Variants in SLC22A5 observed in about 807,000 individuals in gnomAD.
SLC22A5 encodes the protein solute carrier family 22 member 5, also known as organic cation/carnitine transporter 2.
A neutral mutation model predicts 56.7 loss-of-function variants in SLC22A5; 44 were observed. That is an observed-to-expected ratio of 0.78 (90% CI 0.61 to 1.00). SLC22A5 has a LOEUF of 1.00. Among genes scored for constraint, SLC22A5 ranks in the 50% least tolerant of loss-of-function variants. The pLI is 0.00. For synonymous variants in SLC22A5, 278 were observed against 292.1 expected, an observed-to-expected ratio of 0.95 and a Z score of 0.49; for missense variants, 675 against 723.0, an observed-to-expected ratio of 0.93 and a Z score of 0.76.
intron 1 of SLC22A5, among the ~76,000 whole-genome samples, chr5:132,374,497 C>A (rs749444133): frequency 3.3e-5 from 5 of 152,154 alleles, no homozygotes; most frequent in African/African-American, 9.7e-5. Flanking sequence ...AGCAGAGACC[C>A]GAGAGACCTG....
At chr5:132,387,639 T>G (rs981139378) in intron 5 of SLC22A5, among the ~76,000 whole-genome samples, 2 of 152,172 alleles carry the variant, frequency 1.3e-5, no homozygotes, top group South Asian at 4.1e-4. Context: ...AAAAAGTGTT[T>G]AGTCTCTTTC....
At chr5:132,385,133 G>C (rs1752476884) in intron 3 of SLC22A5, among the ~76,000 whole-genome samples, 195 bp from the exon 4 acceptor site, 2 of 152,192 alleles carry the variant, frequency 1.3e-5, no homozygotes. Flanking sequence ...TTGGGGGCCT[G>C]AGAGGCCACA....
chr5:132,389,953 CTT>C (rs960948062), intron 6 of SLC22A5: 3 of 156,062 alleles, frequency 1.9e-5, no homozygotes, highest in African/African-American at 4.8e-5. Context: ...TGCACATACT[CTT>C]TTTATTGTAC....
chr5:132,388,926 AG>A lies in SLC22A5; in HGVS notation c.958del (p.Asp320ThrfsTer2). The A allele has an allele frequency of 6.2e-7, 1 of 1,609,956 alleles. No individual in the cohort carries two copies. The highest frequency in any genetic ancestry group is 8.5e-7 in the Non-Finnish European group (1 of 1,176,220). On this transcript the variant is annotated frameshift_variant, in exon 6 of 10. Transcript: ENST00000245407. LOFTEE classifies it high-confidence loss of function. ...STIFDPSELQDLSSKKQQSHN... is the reference protein window; with the variant it reads ...STIFDPSELQXLSSKKQQSHN... ...TTATGATGTTGTTCCTGCAGTTACA[AG>A]ACCTAAGTTCCAAGAAGCAGCAGTC...
chr5:132,390,235 G>GC, intron 6 of SLC22A5: 1 of 303,206 alleles, frequency 3.3e-6, no homozygotes, highest in Non-Finnish European at 6.3e-6. Flanking sequence ...CTCTCTCCAA[G>GC]TGTTTGACCT....
rs142531910 is a variant in SLC22A5 at position 132,394,816 on chromosome 5, G to A, written c.*544G>A. 29 of 162,606 alleles carry A rather than the reference G, an allele frequency of 1.8e-4. No individual in the cohort carries two copies. The highest frequency in any genetic ancestry group is 1.6e-3 in the Admixed American group (28 of 17,176). The allele number at this position is 162,606 out of a possible 1,614,324, so 10.1% of individuals were successfully genotyped here. ...GAGCGCAGAGCTAGGGAAAGTGAAA[G>A]GTAATGAAGATGGAGCAGAATGAGC... On this transcript the variant is annotated 3_prime_UTR_variant, in exon 10 of 10. Coordinates refer to ENST00000245407, the MANE Select transcript of SLC22A5 (RefSeq NM_003060.4).
intron 2 of SLC22A5, chr5:132,382,807 G>A (rs1480022310): frequency 1.3e-5 from 2 of 152,056 alleles, no homozygotes; most frequent in Admixed American, 1.3e-4. Flanking sequence ...ACTCCTTAAG[G>A]GCAGAAACAG....
In SLC22A5 at chr5:132,378,445, T is replaced by C. The variant is rs1752227681; in HGVS notation, c.461T>C (p.Leu154Pro). The C allele has an allele frequency of 1.9e-6, 3 of 1,614,256 alleles. No homozygotes were observed. The highest frequency in any genetic ancestry group is 2.5e-6 in the Non-Finnish European group (3 of 1,180,024). The change falls in exon 2 of 10, where the codon CTG (leucine) becomes CCG (proline). Residue 154 changes from leucine (L) to proline (P), a missense_variant. Transcript: ENST00000245407. ...LTISLFFVGV[L>P]LGSFISGQLS... ...ATCTCCTTGTTCTTCGTGGGTGTGC[T>C]GTTGGGCTCCTTCATTTCAGGGCAG...
chr5:132,377,995 G>A (rs1272024929), intron 1 of SLC22A5: 29 of 1,096,230 alleles, frequency 2.6e-5, no homozygotes, highest in Admixed American at 2.9e-5. Flanking sequence ...CTCCAGTGAC[G>A]TTCATGCCAA....
rs1289242846 is a variant in SLC22A5 at position 132,378,440 on chromosome 5, T to C, written c.456T>C (p.Gly152=). ...APLTISLFFV[G]VLLGSFISGQ... Reference sequence around the variant, plus strand: ...TCACAATCTCCTTGTTCTTCGTGGGTGTGCTGTTGGGCTCCTTCATTTCAG... The same window carrying C: ...TCACAATCTCCTTGTTCTTCGTGGGCGTGCTGTTGGGCTCCTTCATTTCAG... The change falls in exon 2 of 10, where the codon GGT becomes GGC. Residue 152 remains glycine, a synonymous_variant. Transcript: ENST00000245407. 6.2e-7 allele frequency: 1 copy of C among 1,614,108 alleles called. No individual in the cohort carries two copies. The highest frequency in any genetic ancestry group is 1.7e-5 in the Admixed American group (1 of 60,028).
Position 132,392,393 on chromosome 5 carries a change from GT to G in SLC22A5, c.1268-38del, listed in dbSNP as rs11568517. On this transcript the variant is annotated intron_variant, in intron 7 of 9. Coordinates refer to ENST00000245407, the MANE Select transcript of SLC22A5 (RefSeq NM_003060.4). ...TGCTCTCAATAGCTGCATGCCATGG[GT>G]TGGTACCTACTCCTACCCTCTTTCC... The G allele has an allele frequency of 4.4e-4, 691 of 1,578,048 alleles. 4 individuals are homozygous for G. The African/African-American group carries it at 8.2e-3, about 19-fold the overall frequency.
Position 132,370,211 on chromosome 5 carries a change from G to A in SLC22A5, c.239G>A (p.Ser80Asn). 1.3e-6 allele frequency: 2 copies of A among 1,587,876 alleles called. No homozygotes were observed. The highest frequency in any genetic ancestry group is 1.7e-6 in the Non-Finnish European group (2 of 1,167,378). The part of the protein sequence containing the change: ...RLRDGREVPH[S>N]CRRYRLATIA... ...CGGGACGGCCGCGAGGTGCCCCACA[G>A]CTGCCGCCGCTACCGGCTCGCCACC... is the stretch of plus-strand genomic sequence containing the variant. Residue 80 changes from serine (S) to asparagine (N), a missense_variant, in exon 1 of 10, where the codon AGC (serine) becomes AAC (asparagine). Coordinates refer to ENST00000245407, the MANE Select transcript of SLC22A5 (RefSeq NM_003060.4).
In SLC22A5 at chr5:132,388,934, G is replaced by A; in HGVS notation, c.965G>A (p.Ser322Asn). Residue 322 changes from serine (S) to asparagine (N), a missense_variant, in exon 6 of 10, where the codon AGT becomes AAT. Coordinates refer to ENST00000245407, the MANE Select transcript of SLC22A5 (RefSeq NM_003060.4). ...IFDPSELQDL[S>N]SKKQQSHNIL... ...TTGTTCCTGCAGTTACAAGACCTAA[G>A]TTCCAAGAAGCAGCAGTCCCACAAC... 6.2e-7 allele frequency: 1 copy of A among 1,613,044 alleles called. No homozygotes were observed. The highest frequency in any genetic ancestry group is 8.5e-7 in the Non-Finnish European group (1 of 1,179,026).
rs1752742524 is a variant in SLC22A5, at chr5:132,392,603, T to C, written c.1438T>C (p.Phe480Leu). Residue 480 changes from phenylalanine (F) to leucine (L), a missense_variant, in exon 8 of 10, where the codon TTC becomes CTC. By Grantham distance (22) the Phe-to-Leu change is conservative. Transcript: ENST00000245407. ...CCTGGGCAGCATCCTGTCTCCCTACTTCGTTTACCTTGGTAAGTCCCATGA... is the reference window on the plus strand; with the variant it reads ...CCTGGGCAGCATCCTGTCTCCCTACCTCGTTTACCTTGGTAAGTCCCATGA... ...SRLGSILSPY[F>L]VYLGAYDRFL... 4 of 1,614,080 alleles carry C rather than the reference T, an allele frequency of 2.5e-6. No homozygotes were observed. Among genetic ancestry groups the C allele is most frequent in the Non-Finnish European group, 3.4e-6 (4 of 1,180,010 alleles).
At chr5:132,374,666 A>G (rs2126771391) in intron 1 of SLC22A5, among the ~76,000 whole-genome samples, 1 of 151,982 alleles carries the variant, frequency 6.6e-6, no homozygotes, top group East Asian at 1.9e-4. Context: ...TCTGGCCATG[A>G]GTGGTCAGAT....
Position 132,377,277 on chromosome 5 carries a change from G to C in SLC22A5, c.394-1101G>C, listed in dbSNP as rs1276205735. On this transcript the variant is annotated intron_variant, in intron 1 of 9. Coordinates refer to ENST00000245407, the MANE Select transcript of SLC22A5 (RefSeq NM_003060.4). ...GTCACTGGCTTGGAAGAGATGCTTT[G>C]TTCTAGGGAGCCGCATGTCCCCTTG... The C allele has an allele frequency of 2.6e-5, 4 of 152,240 alleles. No homozygotes were observed. The East Asian group carries it at 7.7e-4, about 29-fold the overall frequency. The allele number at this position is 152,240 out of a possible 1,614,324, so 9.4% of individuals were successfully genotyped here. A position where few individuals can be genotyped will look rare whatever the true frequency, so the allele number is the denominator to read the frequency against.
intron 1 of SLC22A5, among the ~76,000 whole-genome samples, chr5:132,374,545 C>G (rs1302655310): frequency 6.6e-6 from 1 of 152,152 alleles, no homozygotes; most frequent in Non-Finnish European, 1.5e-5. Flanking sequence ...GTTGATTTCT[C>G]TCACTCAGGG....
intron 2 of SLC22A5, 41 bp from the exon 3 acceptor site, chr5:132,384,106 C>T (rs1283552102): frequency 1.2e-6 from 2 of 1,611,508 alleles, no homozygotes; most frequent in East Asian, 2.2e-5. Flanking sequence ...TCCTGCTGCC[C>T]TTTTCCAGCT....
chr5:132,391,013 T>C (rs1561575592), intron 7 of SLC22A5, 109 bp downstream of exon 7: 8 of 866,798 alleles, frequency 9.2e-6, no homozygotes, highest in African/African-American at 1.7e-5. Context: ...ACAGCTCCCT[T>C]GCTTATATAC....
Sources: allele counts gnomAD v4.1 joint callset (sites outside exome capture counted in the v4.1 genomes callset), GRCh38; gene constraint gnomAD v4.1.1; transcripts MANE v1.5; gene names NCBI Gene and HGNC (gene_info 2026-07-23, HGNC 2026-07-21).